NRG2: variants seen among roughly 807,000 people sequenced by gnomAD.
NRG2 encodes the protein neuregulin 2.
In NRG2, 27 loss-of-function variants were observed where a neutral mutation model predicts 73.9. The observed-to-expected ratio is 0.37, with a 90% CI of 0.27 to 0.50. The LOEUF is 0.50. Among genes scored for constraint, NRG2 ranks in the 20% least tolerant of loss-of-function variants. NRG2 has a pLI of 0.96. For synonymous variants in NRG2, 532 were observed against 541.0 expected (o/e 0.98, Z 0.23); for missense variants, 1,126 against 1,210.1 (o/e 0.93, Z 1.03).
chr5:139,995,800 G>A (rs1757973688), intron 1 of NRG2, among the ~76,000 whole-genome samples: 1 of 152,154 alleles, frequency 6.6e-6, no homozygotes, highest in South Asian at 2.1e-4. Flanking sequence ...GATCTACAGA[G>A]GCCAAGAGTT....
chr5:139,986,541 A>G (rs988749907), intron 1 of NRG2, among the ~76,000 whole-genome samples: 22 of 152,232 alleles, frequency 1.4e-4, no homozygotes, highest in Non-Finnish European at 2.6e-4. Flanking sequence ...CCGGCAAGTC[A>G]TATTAATTGG....
chr5:139,925,661 TGA>T (rs1751996813), intron 1 of NRG2, among the ~76,000 whole-genome samples: 1 of 152,148 alleles, frequency 6.6e-6, no homozygotes, highest in Non-Finnish European at 1.5e-5. Flanking sequence ...TTGAGCCAAC[TGA>T]GAGAGGGGAA....
At chr5:139,861,701 C>A (rs1387483210) in intron 5 of NRG2, 1 of 514,206 alleles carries the variant, frequency 1.9e-6, no homozygotes, top group Non-Finnish European at 3.9e-6. Flanking sequence ...CCACTCCTCT[C>A]CAGGGTGTCC....
intron 2 of NRG2, among the ~76,000 whole-genome samples, chr5:139,884,669 A>G (rs1404814251): frequency 1.3e-5 from 2 of 152,248 alleles, no homozygotes; most frequent in Non-Finnish European, 2.9e-5. Context: ...CAAGGTGTCT[A>G]CCAGATTCTA....
At chr5:140,015,422 G>T (rs1171464048) in intron 1 of NRG2, among the ~76,000 whole-genome samples, 1 of 152,082 alleles carries the variant, frequency 6.6e-6, no homozygotes, top group Non-Finnish European at 1.5e-5. Flanking sequence ...AGAAATAAAT[G>T]GTCTATTTAT....
chr5:139,978,542 C>T (rs981683841), intron 1 of NRG2, among the ~76,000 whole-genome samples: 2 of 152,144 alleles, frequency 1.3e-5, no homozygotes, highest in Admixed American at 6.5e-5. Flanking sequence ...TGTGGCGATT[C>T]CTCAGGGATC....
chr5:139,998,672 C>T (rs370054782), intron 1 of NRG2, among the ~76,000 whole-genome samples: 6 of 152,174 alleles, frequency 3.9e-5, no homozygotes, highest in African/African-American at 1.4e-4. Context: ...CCAATGCTTG[C>T]TCCTGACGAG....
At chr5:139,920,530 C>G (rs1006541428) in intron 1 of NRG2, among the ~76,000 whole-genome samples, 1 of 151,812 alleles carries the variant, frequency 6.6e-6, no homozygotes, top group African/African-American at 2.4e-5. Flanking sequence ...TTACTTTCAC[C>G]TCTGTGTATT....
At chr5:140,021,814 T>C (rs929890095) in intron 1 of NRG2, among the ~76,000 whole-genome samples, 4 of 152,208 alleles carry the variant, frequency 2.6e-5, no homozygotes, top group Non-Finnish European at 5.9e-5. Flanking sequence ...TAAGCCTTTC[T>C]GTAGGGAATA....
At chr5:139,925,839 A>C (rs796073429) in intron 1 of NRG2, among the ~76,000 whole-genome samples, 1 of 152,096 alleles carries the variant, frequency 6.6e-6, no homozygotes, top group Non-Finnish European at 1.5e-5. Context: ...ATCCTCCTTC[A>C]CCTGCCTGGC....
chr5:139,851,406 A>G lies in NRG2; in HGVS notation c.1772+198T>C, dbSNP rs1761408517. Reference sequence around the variant, plus strand: ...CTGTCCACCAGGGTCCACTGGCCCAACTCTAGTCCCAGTCTGTCATTAACA... The same window carrying G: ...CTGTCCACCAGGGTCCACTGGCCCAGCTCTAGTCCCAGTCTGTCATTAACA... On this transcript the variant is annotated intron_variant, in intron 9 of 9. Coordinates refer to ENST00000361474, the MANE Select transcript of NRG2 (RefSeq NM_004883.3). The surrounding 1 kb of genome is among the most constrained non-coding windows in gnomAD (Gnocchi z 4.2). 6.6e-6 allele frequency among the ~76,000 whole-genome samples: 1 copy of G among 152,114 alleles called. No individual in the cohort carries two copies. The highest frequency in any genetic ancestry group is 2.4e-5 in the African/African-American group (1 of 41,416).
intron 1 of NRG2, among the ~76,000 whole-genome samples, chr5:139,903,948 G>C (rs1765048361): frequency 6.6e-6 from 1 of 152,222 alleles, no homozygotes; most frequent in South Asian, 2.1e-4. Flanking sequence ...GGCCAGGCCG[G>C]GCCCAGCGTC....
chr5:139,855,417 G>T (rs186184459), intron 6 of NRG2, among the ~76,000 whole-genome samples: 3 of 152,212 alleles, frequency 2.0e-5, no homozygotes, highest in Non-Finnish European at 2.9e-5. Flanking sequence ...ACCCAGATTC[G>T]TCTTCTTCCA....
chr5:139,942,110 G>GA (rs61076275), intron 1 of NRG2, among the ~76,000 whole-genome samples: 1 of 152,084 alleles, frequency 6.6e-6, no homozygotes, highest in Non-Finnish European at 1.5e-5. Context: ...TGAGCTAAAA[G>GA]AAAAATCACA....
chr5:140,013,787 T>C (rs531481156), intron 1 of NRG2, among the ~76,000 whole-genome samples: 3 of 152,320 alleles, frequency 2.0e-5, no homozygotes, highest in South Asian at 2.1e-4. Context: ...TTAGTACTCA[T>C]CTAACTTGAC....
At chr5:140,000,123 GC>G (rs1758325946) in intron 1 of NRG2, among the ~76,000 whole-genome samples, 1 of 152,072 alleles carries the variant, frequency 6.6e-6, no homozygotes, top group Non-Finnish European at 1.5e-5. Context: ...ACCTATAAAC[GC>G]CCACAGATTC....
intron 1 of NRG2, among the ~76,000 whole-genome samples, chr5:139,944,899 G>A (rs1753694392): frequency 6.6e-6 from 1 of 152,056 alleles, no homozygotes; most frequent in Non-Finnish European, 1.5e-5. Flanking sequence ...CCTTCTCTCT[G>A]CATCTTTACC....
chr5:140,011,382 C>A (rs888728845), intron 1 of NRG2, among the ~76,000 whole-genome samples: 5 of 152,208 alleles, frequency 3.3e-5, no homozygotes, highest in African/African-American at 1.2e-4. Context: ...GCCTAGTACT[C>A]CTGCCCCTGT....
At chr5:139,890,416 T>A (rs570745804) in intron 1 of NRG2, among the ~76,000 whole-genome samples, 1 of 152,228 alleles carries the variant, frequency 6.6e-6, no homozygotes, top group East Asian at 1.9e-4. Flanking sequence ...CTGCTTTTTT[T>A]ATATTGCTGG....
Sources: allele counts gnomAD v4.1 joint callset (sites outside exome capture counted in the v4.1 genomes callset), GRCh38; gene constraint gnomAD v4.1.1; non-coding constraint Gnocchi (gnomAD v3.1); transcripts MANE v1.5; gene names NCBI Gene and HGNC (gene_info 2026-07-23, HGNC 2026-07-21).